CAST: variants seen among roughly 807,000 people sequenced by gnomAD.
The protein encoded by CAST is calpastatin.
A neutral mutation model predicts 119.6 loss-of-function variants in CAST; 76 were observed. The ratio of observed to expected loss-of-function variants is 0.64; its 90% CI spans 0.53 to 0.77. The LOEUF (loss-of-function observed/expected upper bound fraction) is 0.77, where lower values mean the gene tolerates loss of function less well. Among genes scored for constraint, CAST ranks in the 30% least tolerant of loss-of-function variants. CAST has a pLI of 0.00. For synonymous variants in CAST, 319 were observed against 331.6 expected (o/e 0.96, Z 0.41); for missense variants, 953 against 946.5 (o/e 1.01, Z -0.09).
At chr5:96,429,883 C>T in the CAST span, among the ~76,000 whole-genome samples, 1 of 152,174 alleles carries the variant, frequency 6.6e-6, no homozygotes, top group African/African-American at 2.4e-5. Context: ...CTATTTTACA[C>T]ACATTGGAGG....
At chr5:96,341,726 G>A in the CAST span, among the ~76,000 whole-genome samples, 1 of 152,044 alleles carries the variant, frequency 6.6e-6, no homozygotes, top group Admixed American at 6.5e-5. Context: ...AGAAGTAATG[G>A]TAAAAACAAT....
the CAST span, chr5:96,432,824 TG>T: frequency 6.3e-7 from 1 of 1,593,298 alleles, no homozygotes; most frequent in Non-Finnish European, 8.6e-7. Flanking sequence ...GCCAGTCCCC[TG>T]GGGCCCCAGA....
chr5:96,471,267 C>T, the CAST span, among the ~76,000 whole-genome samples: 1 of 152,046 alleles, frequency 6.6e-6, no homozygotes, highest in Non-Finnish European at 1.5e-5. Flanking sequence ...CACACTGAAG[C>T]CATACCTTAC....
intron 1 of CAST, among the ~76,000 whole-genome samples, chr5:96,596,818 G>C (rs1300694241): frequency 6.6e-6 from 1 of 152,178 alleles, no homozygotes; most frequent in Non-Finnish European, 1.5e-5. Flanking sequence ...CTGAGACGAA[G>C]GTGCCAGCAG....
chr5:96,561,784 ATGTTTTTTTT>A (rs1185605661), intron 1 of CAST, among the ~76,000 whole-genome samples: 2 of 37,578 alleles, frequency 5.3e-5, no homozygotes, highest in Non-Finnish European at 1.1e-4. Context: ...TATTATATAT[ATGTTTTTTTT>A]TGTTTTTTTT....
the CAST span, among the ~76,000 whole-genome samples, chr5:96,492,603 C>A: frequency 1.3e-5 from 2 of 152,204 alleles, no homozygotes; most frequent in Non-Finnish European, 2.9e-5. Context: ...ATTCTGGTTT[C>A]TTTTTCTTCT....
chr5:96,257,105 T>C, the CAST span, among the ~76,000 whole-genome samples: 1 of 152,148 alleles, frequency 6.6e-6, no homozygotes, highest in Admixed American at 6.5e-5. Flanking sequence ...TCTGTAGCAA[T>C]TGGGTGGATC....
the CAST span, among the ~76,000 whole-genome samples, chr5:96,427,729 AGGCAG>A: frequency 6.6e-6 from 1 of 152,216 alleles, no homozygotes; most frequent in African/African-American, 2.4e-5. Context: ...GAAAGTGAGA[AGGCAG>A]GTCAGTTTGA....
the CAST span, among the ~76,000 whole-genome samples, chr5:95,966,458 T>G: frequency 6.6e-6 from 1 of 152,174 alleles, no homozygotes; most frequent in East Asian, 1.9e-4. Context: ...TTCCTGGGGC[T>G]GGCAGCCTCT....
intron 9 of CAST, among the ~76,000 whole-genome samples, chr5:96,734,017 A>G (rs1465627177): frequency 5.9e-5 from 9 of 152,250 alleles, no homozygotes; most frequent in African/African-American, 2.2e-4. Context: ...AAAGGCCCCC[A>G]CAAGGTGTTA....
At chr5:96,068,298 A>G in the CAST span, among the ~76,000 whole-genome samples, 22 of 152,212 alleles carry the variant, frequency 1.4e-4, no homozygotes, top group Non-Finnish European at 2.8e-4. Flanking sequence ...TATTATCTCT[A>G]TTACTGAATG....
chr5:96,485,900 C>T, the CAST span, among the ~76,000 whole-genome samples: 1 of 152,142 alleles, frequency 6.6e-6, no homozygotes, highest in Admixed American at 6.6e-5. Context: ...CACACTACAA[C>T]TAAAAGTTAA....
At chr5:96,614,449 A>G (rs1174496413) in intron 1 of CAST, among the ~76,000 whole-genome samples, 6 of 152,256 alleles carry the variant, frequency 3.9e-5, no homozygotes, top group Admixed American at 2.0e-4. Flanking sequence ...CAGGAGGCTT[A>G]TAAATGAGAA....
chr5:96,313,075 G>A, the CAST span, among the ~76,000 whole-genome samples: 1 of 152,126 alleles, frequency 6.6e-6, no homozygotes, highest in Admixed American at 6.5e-5. Context: ...CCAACAAAAG[G>A]ATAAAGATCA....
At chr5:96,104,545 A>G in the CAST span, among the ~76,000 whole-genome samples, 1 of 152,072 alleles carries the variant, frequency 6.6e-6, no homozygotes, top group Non-Finnish European at 1.5e-5. Flanking sequence ...AGATAGTTGC[A>G]GATATGCGGC....
chr5:96,087,848 A>G, the CAST span, among the ~76,000 whole-genome samples: 1 of 152,250 alleles, frequency 6.6e-6, no homozygotes, highest in African/African-American at 2.4e-5. Flanking sequence ...AGGCTGACCC[A>G]GATGCTGCTT....
chr5:96,416,060 CA>C, the CAST span: 1 of 1,612,532 alleles, frequency 6.2e-7, no homozygotes, highest in Non-Finnish European at 8.5e-7. Flanking sequence ...TATGCAACTC[CA>C]ACCCCGCATT....
At chr5:96,739,763 A>G (rs931734703) in intron 11 of CAST, among the ~76,000 whole-genome samples, 2 of 152,242 alleles carry the variant, frequency 1.3e-5, no homozygotes, top group Non-Finnish European at 2.9e-5. Context: ...GAAACCTTAG[A>G]TAATGAAAAC....
chr5:96,570,384 C>G (rs940480401), intron 1 of CAST, among the ~76,000 whole-genome samples: 1 of 151,946 alleles, frequency 6.6e-6, no homozygotes, highest in Non-Finnish European at 1.5e-5. Context: ...TTGTAGATAT[C>G]AAGGTAATGG....
Sources: allele counts gnomAD v4.1 joint callset (sites outside exome capture counted in the v4.1 genomes callset), GRCh38; gene constraint gnomAD v4.1.1; transcripts MANE v1.5; gene names NCBI Gene and HGNC (gene_info 2026-07-23, HGNC 2026-07-21).